The following MGAT5 variants were observed in gnomAD, a reference collection of about 807,000 sequenced individuals.
MGAT5 encodes the protein alpha-1,6-mannosylglycoprotein 6-beta-N-acetylglucosaminyltransferase.
MGAT5 carries 30 observed loss-of-function variants against 94.3 expected under a neutral mutation model. The observed-to-expected ratio is 0.32, with a 90% confidence interval of 0.24 to 0.43. The LOEUF (loss-of-function observed/expected upper bound fraction) is 0.43, where lower values mean the gene tolerates loss of function less well. Among genes scored for constraint, MGAT5 ranks in the 20% least tolerant of loss-of-function variants. The pLI is 1.00. For missense variants in MGAT5, 691 were observed against 905.5 expected (o/e 0.76, Z 3.04); for synonymous variants, 310 against 322.9 (o/e 0.96, Z 0.43).
chr2:134,370,371 A>C (rs1042166961), intron 10 of MGAT5, among the ~76,000 whole-genome samples: 1 of 152,236 alleles, frequency 6.6e-6, no homozygotes, highest in African/African-American at 2.4e-5. Context: ...ATAAATTTAA[A>C]CCCACCCTAA....
intron 1 of MGAT5, among the ~76,000 whole-genome samples, chr2:134,248,176 G>A (rs1226652191): frequency 6.6e-6 from 1 of 152,188 alleles, no homozygotes; most frequent in African/African-American, 2.4e-5. Context: ...CCCAGGTTCT[G>A]TGGCTCATAC....
Position 134,254,503 on chromosome 2 carries a change from A to G in MGAT5, c.100A>G (p.Ile34Val), listed in dbSNP as rs1263958270. ...GGGTATGATGCTTCTGCACTTTACC[A>G]TCCAGCAGCGAACTCAGCCTGAAAG... ...IWGMMLLHFTIQQRTQPESSS... is the reference protein window; with the variant it reads ...IWGMMLLHFTVQQRTQPESSS... Residue 34 changes from isoleucine (I) to valine (V), a missense_variant, in exon 1 of 16, where the codon ATC becomes GTC. Coordinates refer to ENST00000281923, the MANE Select transcript of MGAT5 (RefSeq NM_002410.5). 1.2e-6 allele frequency: 2 copies of G among 1,614,180 alleles called. No homozygotes were observed. The highest frequency in any genetic ancestry group is 1.3e-5 in the African/African-American group (1 of 75,044).
rs147963992 is a variant in MGAT5, at chr2:134,360,472, C to T, written c.1247-1803C>T. Among the ~76,000 whole-genome samples, 15 of 152,138 alleles carry T rather than the reference C, an allele frequency of 9.9e-5. No individual in the cohort carries two copies. The East Asian group carries it at 2.9e-3, about 29-fold the overall frequency. On this transcript the variant is annotated intron_variant, in intron 9 of 15. Transcript: ENST00000281923. The stretch of plus-strand genomic sequence containing the variant: ...TATTTTTTAAGTGCCTACCTAGGGA[C>T]TAAATAACTACATTTCAGAAGCAAG...
intron 2 of MGAT5, among the ~76,000 whole-genome samples, chr2:134,316,691 C>A (rs899476330): frequency 6.6e-6 from 1 of 152,046 alleles, no homozygotes; most frequent in Admixed American, 6.6e-5. Context: ...TCAAACATTT[C>A]TCATTTCTTT....
chr2:134,337,116 C>A (rs1390512399), intron 5 of MGAT5, among the ~76,000 whole-genome samples: 4 of 152,078 alleles, frequency 2.6e-5, no homozygotes, highest in African/African-American at 9.7e-5. Flanking sequence ...AGGATTTAGC[C>A]CAAGGGCTGT....
intron 10 of MGAT5, among the ~76,000 whole-genome samples, chr2:134,402,406 A>C (rs1683106283): frequency 6.6e-6 from 1 of 152,188 alleles, no homozygotes; most frequent in Non-Finnish European, 1.5e-5. Flanking sequence ...TATTCTCATT[A>C]TCTCTCCAGC....
At chr2:134,383,187 C>T (rs1330385085) in intron 10 of MGAT5, among the ~76,000 whole-genome samples, 4 of 152,126 alleles carry the variant, frequency 2.6e-5, no homozygotes, top group Non-Finnish European at 4.4e-5. Context: ...GTAAAATGTT[C>T]GTGATACATG....
At chr2:134,307,941 G>T (rs1686428343) in intron 2 of MGAT5, among the ~76,000 whole-genome samples, 1 of 152,118 alleles carries the variant, frequency 6.6e-6, no homozygotes, top group South Asian at 2.1e-4. Flanking sequence ...AAATAAGAAT[G>T]CCTGGAGGGT....
At chr2:134,208,205 C>T (rs964011863) in intron 1 of MGAT5, among the ~76,000 whole-genome samples, 10 of 151,970 alleles carry the variant, frequency 6.6e-5, no homozygotes, top group African/African-American at 2.2e-4. Flanking sequence ...ACCATATTCA[C>T]GTTACCACCT....
chr2:134,160,212 T>C (rs1206671066), intron 1 of MGAT5, among the ~76,000 whole-genome samples: 1 of 152,138 alleles, frequency 6.6e-6, no homozygotes, highest in Non-Finnish European at 1.5e-5. Flanking sequence ...CTCGTTCTGT[T>C]GTCCAGGCTG....
At chr2:134,276,862 AC>A (rs1684408913) in intron 2 of MGAT5, among the ~76,000 whole-genome samples, 1 of 152,192 alleles carries the variant, frequency 6.6e-6, no homozygotes, top group African/African-American at 2.4e-5. Flanking sequence ...TTTGAGACCC[AC>A]GTTAGGGTGA....
At chr2:134,215,246 T>C (rs1263700000) in intron 1 of MGAT5, among the ~76,000 whole-genome samples, 1 of 152,258 alleles carries the variant, frequency 6.6e-6, no homozygotes, top group South Asian at 2.1e-4. Flanking sequence ...GTATATGATA[T>C]ACACATTGCC....
At chr2:134,120,344 C>A in intron 1 of MGAT5, 3 of 387,468 alleles carry the variant, frequency 7.7e-6, no homozygotes, top group Admixed American at 9.0e-5. Context: ...GTCATCCCCG[C>A]GGGGTGATGC....
chr2:134,259,921 G>T (rs148355818), intron 1 of MGAT5, among the ~76,000 whole-genome samples: 2 of 152,318 alleles, frequency 1.3e-5, no homozygotes, highest in African/African-American at 4.8e-5. Context: ...TGGTGATAGG[G>T]TTTAAAATAT....
chr2:134,309,365 G>A (rs1196885702), intron 2 of MGAT5, among the ~76,000 whole-genome samples: 1 of 152,182 alleles, frequency 6.6e-6, no homozygotes. Context: ...CAGATGATAA[G>A]TCTGTTTAAC....
chr2:134,397,321 C>T (rs1222315933), intron 10 of MGAT5, among the ~76,000 whole-genome samples: 1 of 152,080 alleles, frequency 6.6e-6, no homozygotes, highest in Non-Finnish European at 1.5e-5. Flanking sequence ...GTTGCAAATC[C>T]AGGGCAGCAA....
chr2:134,136,331 C>T (rs1686409258), intron 1 of MGAT5, among the ~76,000 whole-genome samples: 1 of 152,106 alleles, frequency 6.6e-6, no homozygotes, highest in African/African-American at 2.4e-5. Flanking sequence ...CTTTGGGAGG[C>T]CGAGGTGGGC....
chr2:134,147,266 G>T (rs1407446683), intron 1 of MGAT5, among the ~76,000 whole-genome samples: 1 of 152,174 alleles, frequency 6.6e-6, no homozygotes, highest in Non-Finnish European at 1.5e-5. Context: ...TCTAATAGCT[G>T]CTCAGTACAT....
chr2:134,300,619 A>G (rs1685958741), intron 2 of MGAT5, among the ~76,000 whole-genome samples: 1 of 152,292 alleles, frequency 6.6e-6, no homozygotes, highest in East Asian at 1.9e-4. Flanking sequence ...CAAGATGAAG[A>G]TTAAACTTTA....
Sources: gnomAD v4.1 joint callset for allele counts (sites outside exome capture counted in the v4.1 genomes callset) on GRCh38, gnomAD v4.1.1 for gene constraint, MANE v1.5 for transcripts, NCBI Gene and HGNC (gene_info 2026-07-23, HGNC 2026-07-21) for gene names.